Variants in TNPO1 observed in about 807,000 individuals in gnomAD.
TNPO1 encodes the protein transportin-1.
A neutral mutation model predicts 119.5 loss-of-function variants in TNPO1; 8 were observed. The observed-to-expected ratio is 0.07, with a 90% CI of 0.04 to 0.12. The LOEUF (loss-of-function observed/expected upper bound fraction) is 0.12, where lower values mean the gene tolerates loss of function less well. TNPO1 is among the 10% of genes least tolerant of loss of function. The pLI, the probability that TNPO1 is intolerant of heterozygous loss-of-function variation, is 1.00. For synonymous variants in TNPO1, 362 were observed against 363.0 expected (o/e 1.00, Z 0.03); for missense variants, 576 against 1,089.8 (o/e 0.53, Z 6.64).
intron 2 of TNPO1, 127 bp from the exon 3 acceptor site, chr5:72,851,117 T>G (rs550399005): frequency 7.7e-6 from 5 of 649,844 alleles, no homozygotes; most frequent in Non-Finnish European, 1.4e-5. Flanking sequence ...ATATCCTTAT[T>G]CTTAGTTTAA....
At chr5:72,845,029 T>C (rs60847044) in intron 1 of TNPO1, among the ~76,000 whole-genome samples, 113 of 151,750 alleles carry the variant, frequency 7.4e-4, no homozygotes, top group African/African-American at 2.7e-3. Context: ...GGGGCTGTCT[T>C]CTATCTTGTT....
chr5:72,901,078 G>C lies in TNPO1; in HGVS notation c.2514+5G>C, dbSNP rs1328579024. 1 of 1,580,922 alleles carries C rather than the reference G, an allele frequency of 6.3e-7. No individual in the cohort carries two copies. Among genetic ancestry groups the C allele is most frequent in the African/African-American group, 1.4e-5 (1 of 73,690 alleles). ...AATCCCAGTGGCGTAATCCAAGTAA[G>C]ATGTTCACAAAGATTTGTTTTTAAT... On this transcript the variant is annotated splice_donor_5th_base_variant and intron_variant, in intron 22 of 24. Coordinates refer to ENST00000337273, the MANE Select transcript of TNPO1 (RefSeq NM_002270.4).
intron 10 of TNPO1, 49 bp from the exon 11 acceptor site, chr5:72,883,015 A>C: frequency 7.7e-7 from 1 of 1,303,806 alleles, no homozygotes. Context: ...TGTACATACT[A>C]TTAGCCTATA....
chr5:72,820,910 G>A (rs1024335925), intron 1 of TNPO1, among the ~76,000 whole-genome samples: 2 of 152,078 alleles, frequency 1.3e-5, no homozygotes, highest in Non-Finnish European at 1.5e-5. Flanking sequence ...TATAAAACCG[G>A]GTTCTAAAGT....
chr5:72,889,637 G>T (rs1367727138), intron 13 of TNPO1, 149 bp from the exon 14 acceptor site: 2 of 704,036 alleles, frequency 2.8e-6, no homozygotes, highest in East Asian at 5.7e-5. Flanking sequence ...ATAATTCACA[G>T]TGCTGATGAC....
chr5:72,821,304 A>G lies in TNPO1; in HGVS notation c.15+4552A>G, dbSNP rs546152375. ...TGCATATGTTTCTACCACAAATGAAAAAGTTAATGCTAGGAAGGATAAGAT... is the reference window on the plus strand; with the variant it reads ...TGCATATGTTTCTACCACAAATGAAGAAGTTAATGCTAGGAAGGATAAGAT... On this transcript the variant is annotated intron_variant, in intron 1 of 24. Transcript: ENST00000337273. Among the ~76,000 whole-genome samples the G allele has an allele frequency of 1.5e-3, 221 of 152,298 alleles. 8 individuals are homozygous for G. In the South Asian group the frequency reaches 0.043, roughly 29 times the overall value.
chr5:72,885,677 G>C lies in TNPO1; in HGVS notation c.1151-1393G>C, dbSNP rs76837454. 4.8e-3 allele frequency among the ~76,000 whole-genome samples: 720 copies of C among 150,860 alleles called. 7 individuals are homozygous for C. Among genetic ancestry groups the C allele is most frequent in the African/African-American group, 0.017 (698 of 41,202 alleles). ...TGGCTCTACCATGTGGTATAACTAA[G>C]ATCCTTATTGATGGGTAAGGTGTTA... On this transcript the variant is annotated intron_variant, in intron 11 of 24. Transcript: ENST00000337273.
chr5:72,866,830 T>TA (rs2112339093), intron 6 of TNPO1, among the ~76,000 whole-genome samples: 1 of 152,226 alleles, frequency 6.6e-6, no homozygotes, highest in South Asian at 2.1e-4. Context: ...TAAATATTAA[T>TA]AAATATTTTT....
intron 22 of TNPO1, 24 bp from the exon 23 acceptor site, chr5:72,903,685 A>G (rs542546091): frequency 3.9e-5 from 59 of 1,527,438 alleles, no homozygotes; most frequent in Non-Finnish European, 2.2e-5. Context: ...TATCAACCTA[A>G]GATGTATTTC....
intron 9 of TNPO1, chr5:72,878,994 T>G (rs1278143562): frequency 4.4e-6 from 2 of 454,686 alleles, no homozygotes; most frequent in Non-Finnish European, 8.9e-6. Context: ...TGGCTTTGTT[T>G]AGTTTGCCGC....
chr5:72,849,855 T>C (rs1475141742), intron 2 of TNPO1, among the ~76,000 whole-genome samples: 1 of 152,230 alleles, frequency 6.6e-6, no homozygotes, highest in African/African-American at 2.4e-5. Flanking sequence ...GCAGGTATTA[T>C]ATGATACAGT....
In TNPO1 at chr5:72,900,545, A is replaced by C. The variant is rs535439421; in HGVS notation, c.2415-429A>C. On this transcript the variant is annotated intron_variant, in intron 21 of 24. Transcript: ENST00000337273. ...TAAACATCTACACCATAAGCTATAT[A>C]GTAATAGTTTATATTGTGGCACTAT... Among the ~76,000 whole-genome samples, 147 of 152,332 alleles carry C rather than the reference A, an allele frequency of 9.6e-4. 4 individuals carry two copies. The South Asian group carries it at 0.029, about 30-fold the overall frequency.
chr5:72,857,162 A>C (rs1746064066), intron 4 of TNPO1, among the ~76,000 whole-genome samples: 1 of 151,994 alleles, frequency 6.6e-6, no homozygotes, highest in South Asian at 2.1e-4. Flanking sequence ...CTAAAAATAC[A>C]AAAAAATTAG....
chr5:72,828,036 AATGTTGCAGACTGATGAGATT>A (rs1296838171), intron 1 of TNPO1, among the ~76,000 whole-genome samples: 2 of 152,128 alleles, frequency 1.3e-5, no homozygotes, highest in East Asian at 1.9e-4. Flanking sequence ...GGGTGCTTTT[AATGTTGCAGACTGATGAGATT>A]ATATAGATAG....
chr5:72,843,097 G>C (rs1293679926), intron 1 of TNPO1, among the ~76,000 whole-genome samples: 1 of 152,178 alleles, frequency 6.6e-6, no homozygotes. Context: ...AGGTGCTCTT[G>C]TCATTTACTG....
intron 9 of TNPO1, chr5:72,878,856 CTT>C: frequency 2.2e-6 from 1 of 454,756 alleles, no homozygotes; most frequent in Non-Finnish European, 4.4e-6. Flanking sequence ...TATTTATTGA[CTT>C]TTCGTTAGTT....
chr5:72,884,676 C>A (rs1001506904), intron 11 of TNPO1, among the ~76,000 whole-genome samples: 1 of 152,120 alleles, frequency 6.6e-6, no homozygotes, highest in Admixed American at 6.5e-5. Flanking sequence ...TGCTTGTTTG[C>A]TGGATTTTAA....
intron 1 of TNPO1, among the ~76,000 whole-genome samples, chr5:72,826,398 C>G (rs1744207403): frequency 6.6e-6 from 1 of 152,068 alleles, no homozygotes; most frequent in Admixed American, 6.6e-5. Context: ...ATATATGTGG[C>G]CTGCAAAGCC....
In TNPO1 at chr5:72,848,324, G is replaced by A. The variant is rs767384821; in HGVS notation, c.16-61G>A. On this transcript the variant is annotated intron_variant, in intron 1 of 24. Transcript: ENST00000337273. ...GGTCAGCTGCGCGCGGGAAGCCTCT[G>A]GGCCTGTGCACCGGGAGTAACAGTT... The A allele has an allele frequency of 2.9e-4, 444 of 1,524,908 alleles. 1 individual carries two copies. The highest frequency in any genetic ancestry group is 3.6e-4 in the Non-Finnish European group (409 of 1,130,850). The allele number at this position is 1,524,908 out of a possible 1,614,324, so 94.5% of individuals were successfully genotyped here. A position where few individuals can be genotyped will look rare whatever the true frequency, so the allele number is the denominator to read the frequency against.
Sources: allele counts gnomAD v4.1 joint callset (sites outside exome capture counted in the v4.1 genomes callset), GRCh38; gene constraint gnomAD v4.1.1; transcripts MANE v1.5; gene names NCBI Gene and HGNC (gene_info 2026-07-23, HGNC 2026-07-21).